The following ALS2 variants were observed in gnomAD, a reference collection of about 807,000 sequenced individuals.
The protein encoded by ALS2 is alsin Rho guanine nucleotide exchange factor ALS2.
A neutral mutation model predicts 203.4 loss-of-function variants in ALS2; 117 were observed. The ratio of observed to expected loss-of-function variants is 0.58; its 90% CI spans 0.50 to 0.67. ALS2 has a LOEUF of 0.67. Among genes scored for constraint, ALS2 ranks in the 30% least tolerant of loss-of-function variants. ALS2 has a pLI of 0.00. For synonymous variants in ALS2, 718 were observed against 725.9 expected, an observed-to-expected ratio of 0.99 and a Z score of 0.17; for missense variants, 1,715 against 1,989.4, an observed-to-expected ratio of 0.86 and a Z score of 2.62.
intron 21 of ALS2, among the ~76,000 whole-genome samples, chr2:201,723,960 T>C (rs1251435637): frequency 6.6e-6 from 1 of 151,834 alleles, no homozygotes; most frequent in African/African-American, 2.4e-5. Context: ...CTACCAAAAA[T>C]ACAAAAAATT....
chr2:201,770,782 A>G (rs1025144998), intron 1 of ALS2, among the ~76,000 whole-genome samples: 6 of 152,216 alleles, frequency 3.9e-5, no homozygotes, highest in Admixed American at 2.6e-4. Flanking sequence ...GGCAGCCATG[A>G]GCCAAGGAAT....
At chr2:201,721,203 G>A (rs1421739188) in intron 23 of ALS2, among the ~76,000 whole-genome samples, 1 of 152,150 alleles carries the variant, frequency 6.6e-6, no homozygotes, top group Non-Finnish European at 1.5e-5. Context: ...TATGTTCATG[G>A]GTTGAAGAGT....
rs765859367 is a variant in ALS2, at chr2:201,705,204, C to T, written c.4627-4G>A. 62 of 1,613,718 alleles carry T rather than the reference C, an allele frequency of 3.8e-5. No individual in the cohort carries two copies. The highest frequency in any genetic ancestry group is 5.3e-5 in the Non-Finnish European group (62 of 1,179,794). On this transcript the variant is annotated splice_polypyrimidine_tract_variant and splice_region_variant and intron_variant, in intron 30 of 33. Coordinates refer to ENST00000264276, the MANE Select transcript of ALS2 (RefSeq NM_020919.4). ...CATCTTTCGTGGTTGGCAAAACCTG[C>T]AAAAAAGAGAGTGAAGGTCAAGGAG...
At chr2:201,763,845 A>G (rs1693906841) in intron 3 of ALS2, among the ~76,000 whole-genome samples, 1 of 152,224 alleles carries the variant, frequency 6.6e-6, no homozygotes, top group African/African-American at 2.4e-5. Flanking sequence ...TCAATGAAAC[A>G]AAGACTTGGC....
rs753688288 is a variant in ALS2, at chr2:201,754,490, T to C, written c.1640+13A>G. Reference sequence around the variant, plus strand: ...TAAGCCAACTTCTATCGGTAAATGTTGGTAGCGCTTACCTAGGCAGAACAT... The same window carrying C: ...TAAGCCAACTTCTATCGGTAAATGTCGGTAGCGCTTACCTAGGCAGAACAT... On this transcript the variant is annotated intron_variant, in intron 6 of 33. Transcript: ENST00000264276. The C allele has an allele frequency of 1.2e-6, 2 of 1,613,912 alleles. No homozygotes were observed. The highest frequency in any genetic ancestry group is 2.7e-5 in the African/African-American group (2 of 74,914).
intron 4 of ALS2, 147 bp downstream of exon 4, chr2:201,760,734 A>G: frequency 6.9e-7 from 1 of 1,442,194 alleles, no homozygotes. Flanking sequence ...TCTTTCCTTT[A>G]TCTAGGCTTG....
At chr2:201,741,563 T>G in intron 11 of ALS2, 111 bp downstream of exon 11, 1 of 1,173,530 alleles carries the variant, frequency 8.5e-7, no homozygotes, top group Non-Finnish European at 1.2e-6. Context: ...CTTTGCAATT[T>G]CTATTACCTT....
chr2:201,739,381 A>G (rs553050184), intron 11 of ALS2, among the ~76,000 whole-genome samples: 1 of 152,272 alleles, frequency 6.6e-6, no homozygotes, highest in African/African-American at 2.4e-5. Context: ...TTGAGAAAAC[A>G]TAATTAAAAT....
At chr2:201,722,411 A>G (rs1241265993) in intron 23 of ALS2, 1 of 152,300 alleles carries the variant, frequency 6.6e-6, no homozygotes, top group Non-Finnish European at 1.5e-5. Context: ...ACACTTTGGA[A>G]AAAAGTTCGA....
chr2:201,769,030 A>T, intron 1 of ALS2, 85 bp from the exon 2 acceptor site: 1 of 645,288 alleles, frequency 1.5e-6, no homozygotes, highest in Non-Finnish European at 2.7e-6. Flanking sequence ...CCCTCTAACA[A>T]GTGCACATTC....
intron 12 of ALS2, among the ~76,000 whole-genome samples, chr2:201,737,668 T>C (rs1400072470): frequency 6.6e-6 from 1 of 152,186 alleles, no homozygotes; most frequent in Non-Finnish European, 1.5e-5. Flanking sequence ...ACGCCTGTAA[T>C]CCCGGCACTT....
At chr2:201,728,702 GAAAAT>G (rs1187492073) in intron 14 of ALS2, 62 bp from the exon 15 acceptor site, 10 of 1,565,942 alleles carry the variant, frequency 6.4e-6, no homozygotes, top group Non-Finnish European at 8.8e-6. Flanking sequence ...CATGTAAAGA[GAAAAT>G]AAAACAGACA....
chr2:201,730,827 A>G (rs1192935952), intron 13 of ALS2, among the ~76,000 whole-genome samples: 3 of 152,264 alleles, frequency 2.0e-5, no homozygotes, highest in African/African-American at 7.2e-5. Context: ...GCAGTGAAGA[A>G]CGCAGTGACT....
At chr2:201,708,423 G>A (rs1689855290) in intron 27 of ALS2, among the ~76,000 whole-genome samples, 1 of 152,138 alleles carries the variant, frequency 6.6e-6, no homozygotes, top group African/African-American at 2.4e-5. Context: ...ATAGATTCAG[G>A]AGGCACATAT....
intron 8 of ALS2, among the ~76,000 whole-genome samples, chr2:201,747,558 C>T (rs1692747932): frequency 6.7e-6 from 1 of 149,526 alleles, no homozygotes; most frequent in South Asian, 2.2e-4. Flanking sequence ...TCATGCCATT[C>T]TCCTGCCTCA....
chr2:201,756,996 A>C (rs1693441195), intron 5 of ALS2, among the ~76,000 whole-genome samples: 2 of 152,226 alleles, frequency 1.3e-5, no homozygotes, highest in South Asian at 4.1e-4. Context: ...ATGGTCTCAG[A>C]AAATGAAATT....
chr2:201,757,563 C>T lies in ALS2; in HGVS notation c.1310G>A (p.Gly437Asp). The T allele has an allele frequency of 6.2e-7, 1 of 1,614,158 alleles. No individual in the cohort carries two copies. Among genetic ancestry groups the T allele is most frequent in the African/African-American group, 1.3e-5 (1 of 75,040 alleles). Residue 437 changes from glycine to aspartate, a missense_variant, in exon 5 of 34, where the codon GGC (glycine) becomes GAC (aspartate). By Grantham distance (94) the Gly-to-Asp change is moderately conservative (BLOSUM62 -1). Transcript: ENST00000264276. ...ACCTTCGGGGCCAATGGCACTACTG[C>T]CTGCCTGAGCTCCAGTTTCACAAGG... is the stretch of plus-strand genomic sequence containing the variant. ...TTPCETGAQA[G>D]SSAIGPEGLK... is the part of the protein sequence containing the mutation.
At chr2:201,706,002 T>C (rs762889661) in intron 29 of ALS2, among the ~76,000 whole-genome samples, 5 of 150,930 alleles carry the variant, frequency 3.3e-5, no homozygotes, top group South Asian at 2.1e-4. Context: ...CAAATAGAGA[T>C]TGGGGAGGTG....
Position 201,718,081 on chromosome 2 carries a change from C to T in ALS2, c.3832G>A (p.Val1278Ile). Residue 1278 changes from valine (V) to isoleucine (I), a missense_variant, in exon 24 of 34, where the codon GTT becomes ATT. By Grantham distance (29) the Val-to-Ile change is conservative. Transcript: ENST00000264276. ...GAATTAACACTAGTTACTCACAAAA[C>T]TTTAGGTCTGTCTTTATCACTCTCA... The part of the protein sequence containing the change: ...LYESDKDRPK[V>I]FRKLGNLAVP... 1 of 1,613,586 alleles carries T rather than the reference C, an allele frequency of 6.2e-7. No individual in the cohort carries two copies. Among genetic ancestry groups the T allele is most frequent in the Non-Finnish European group, 8.5e-7 (1 of 1,179,612 alleles).
Sources: gnomAD v4.1 joint callset for allele counts (sites outside exome capture counted in the v4.1 genomes callset) on GRCh38, gnomAD v4.1.1 for gene constraint, MANE v1.5 for transcripts, NCBI Gene and HGNC (gene_info 2026-07-23, HGNC 2026-07-21) for gene names.